Variants in PLXNA4 observed in about 807,000 individuals in gnomAD.
The protein encoded by PLXNA4 is plexin-A4.
Under a neutral mutation model 191.8 loss-of-function variants are expected in PLXNA4, and 44 were observed. The observed-to-expected ratio is 0.23, with a 90% CI of 0.18 to 0.29. The LOEUF is 0.29. Among genes scored for constraint, PLXNA4 ranks in the 10% least tolerant of loss-of-function variants. The pLI, the probability that PLXNA4 is intolerant of heterozygous loss-of-function variation, is 1.00. For synonymous variants in PLXNA4, 1,082 were observed against 1,009.5 expected (o/e 1.07, Z -1.36); for missense variants, 1,800 against 2,488.8 (o/e 0.72, Z 5.89).
At chr7:132,351,760 C>G (rs751019186) in intron 3 of PLXNA4, among the ~76,000 whole-genome samples, 2 of 152,150 alleles carry the variant, frequency 1.3e-5, no homozygotes. Flanking sequence ...GTAGCAGGTA[C>G]CAGGCCTCTG....
At chr7:132,311,813 C>G (rs1335716506) in intron 3 of PLXNA4, among the ~76,000 whole-genome samples, 1 of 152,160 alleles carries the variant, frequency 6.6e-6, no homozygotes, top group Non-Finnish European at 1.5e-5. Context: ...GAATAGTTTA[C>G]AGTCAGAAAA....
chr7:132,218,068 A>G (rs1215762511), intron 9 of PLXNA4, among the ~76,000 whole-genome samples: 5 of 152,212 alleles, frequency 3.3e-5, no homozygotes, highest in African/African-American at 9.6e-5. Flanking sequence ...CGGTGGGTCA[A>G]TGCCCTTGGT....
intron 14 of PLXNA4, among the ~76,000 whole-genome samples, chr7:132,191,517 GC>G (rs1797086079): frequency 6.6e-6 from 1 of 152,160 alleles, no homozygotes; most frequent in Non-Finnish European, 1.5e-5. Flanking sequence ...GGCAGAGGCA[GC>G]TAAGGTTCAA....
intron 9 of PLXNA4, among the ~76,000 whole-genome samples, chr7:132,217,330 C>T (rs1374920227): frequency 6.6e-6 from 1 of 152,172 alleles, no homozygotes; most frequent in Non-Finnish European, 1.5e-5. Flanking sequence ...AAGAATGCAG[C>T]CTAGCTGGGA....
chr7:132,385,090 G>A (rs962323074), intron 3 of PLXNA4: 1 of 1,550,350 alleles, frequency 6.5e-7, no homozygotes, highest in Non-Finnish European at 8.7e-7. Context: ...ATGTATGGCT[G>A]GGGTCACAGG....
chr7:132,311,193 T>TGTGTGTGC lies in PLXNA4; in HGVS notation c.1372-12972_1372-12971insGCACACAC, dbSNP rs71178034. Among the ~76,000 whole-genome samples, 364 of 89,894 alleles carry TGTGTGTGC rather than the reference T, an allele frequency of 4.0e-3. 1 individual carries two copies. Among genetic ancestry groups the TGTGTGTGC allele is most frequent in the East Asian group, 0.012 (43 of 3,628 alleles). 59.0% of individuals were successfully genotyped at this position (89,894 alleles called of 152,430 possible). On this transcript the variant is annotated intron_variant, in intron 3 of 31. Coordinates refer to ENST00000321063, the MANE Select transcript of PLXNA4 (RefSeq NM_020911.2). ...GTGTGTGTGTGTGTGTGTGTGTGTG[T>TGTGTGTGC]GCGCGTGTGGCCTAAAGGAGGGTCA...
chr7:132,634,617 G>C (rs1020445174), intron 2 of PLXNA4, among the ~76,000 whole-genome samples: 2 of 152,178 alleles, frequency 1.3e-5, no homozygotes, highest in Non-Finnish European at 2.9e-5. Context: ...TGCACATGCT[G>C]TTCTCTCTGA....
chr7:132,198,558 C>T lies in PLXNA4; in HGVS notation c.2665G>A (p.Asp889Asn), dbSNP rs1003358330. Residue 889 changes from aspartate (D) to asparagine (N), a missense_variant, in exon 13 of 32, where the codon GAC becomes AAC. By Grantham distance (23) the Asp-to-Asn change is conservative. Coordinates refer to ENST00000321063, the MANE Select transcript of PLXNA4 (RefSeq NM_020911.2). ...RGENLGLEFRDIASHVKVAGV... is the reference protein window; with the variant it reads ...RGENLGLEFRNIASHVKVAGV... The stretch of plus-strand genomic sequence containing the variant: ...GCAACCTTGACATGGGAGGCGATGT[C>T]GCGAAATTCCAGGCCCAGGTTCTCC... The T allele has an allele frequency of 8.7e-6, 14 of 1,614,104 alleles. No homozygotes were observed. The highest frequency in any genetic ancestry group is 5.3e-5 in the African/African-American group (4 of 74,938).
At chr7:132,634,679 C>A (rs1408586950) in intron 2 of PLXNA4, among the ~76,000 whole-genome samples, 1 of 152,206 alleles carries the variant, frequency 6.6e-6, no homozygotes, top group Non-Finnish European at 1.5e-5. Context: ...GCAGGCCTCA[C>A]TCAGGTCTCA....
chr7:132,482,842 A>C (rs1399086133), intron 3 of PLXNA4, among the ~76,000 whole-genome samples: 1 of 151,840 alleles, frequency 6.6e-6, no homozygotes, highest in Non-Finnish European at 1.5e-5. Flanking sequence ...ACAGGTGTGC[A>C]CCATCATGCC....
At chr7:132,154,099 G>A (rs1216140842) in intron 25 of PLXNA4, among the ~76,000 whole-genome samples, 23 of 152,110 alleles carry the variant, frequency 1.5e-4, no homozygotes, top group Admixed American at 1.5e-3. Flanking sequence ...CTTACCTTGG[G>A]GGCACTGTGA....
intron 2 of PLXNA4, among the ~76,000 whole-genome samples, chr7:132,613,563 G>T (rs1803093998): frequency 6.6e-6 from 1 of 152,184 alleles, no homozygotes. Flanking sequence ...AGTGGATATG[G>T]CAATGGGGGT....
At chr7:132,548,222 A>C (rs1800393334) in intron 1 of PLXNA4, among the ~76,000 whole-genome samples, 1 of 152,192 alleles carries the variant, frequency 6.6e-6, no homozygotes, top group South Asian at 2.1e-4. Context: ...TAGTTGTCAT[A>C]GTAGAAAGTG....
intron 1 of PLXNA4, among the ~76,000 whole-genome samples, chr7:132,528,396 G>A (rs913157176): frequency 2.0e-5 from 3 of 152,180 alleles, no homozygotes; most frequent in Non-Finnish European, 4.4e-5. Flanking sequence ...ACTGTATTCA[G>A]GAGTTCACCC....
intron 29 of PLXNA4, 111 bp from the exon 30 acceptor site, chr7:132,140,922 A>G (rs1795249643): frequency 2.0e-6 from 3 of 1,509,428 alleles, no homozygotes; most frequent in African/African-American, 1.4e-5. Flanking sequence ...AATAGAACTT[A>G]AGAGCCTTCT....
chr7:132,491,250 G>T (rs1009868903), intron 2 of PLXNA4, among the ~76,000 whole-genome samples: 1 of 152,222 alleles, frequency 6.6e-6, no homozygotes, highest in Admixed American at 6.5e-5. Context: ...AATACAAGGT[G>T]TCACTTTTTT....
intron 1 of PLXNA4, among the ~76,000 whole-genome samples, chr7:132,548,441 T>TG (rs1174439063): frequency 6.6e-6 from 1 of 151,936 alleles, no homozygotes; most frequent in African/African-American, 2.4e-5. Context: ...AGCCCAGGAG[T>TG]GGGACATGGA....
At chr7:132,518,692 TGAG>T (rs915140287) in intron 1 of PLXNA4, among the ~76,000 whole-genome samples, 7 of 152,098 alleles carry the variant, frequency 4.6e-5, no homozygotes, top group African/African-American at 1.7e-4. Context: ...TAAAAGGGGA[TGAG>T]GAGAAGTGAT....
At chr7:132,383,002 C>A (rs1395937555) in intron 3 of PLXNA4, among the ~76,000 whole-genome samples, 1 of 152,178 alleles carries the variant, frequency 6.6e-6, no homozygotes, top group East Asian at 1.9e-4. Context: ...CAACGATTTT[C>A]CTTTGTACTT....
Sources: gnomAD v4.1 joint callset for allele counts (sites outside exome capture counted in the v4.1 genomes callset) on GRCh38, gnomAD v4.1.1 for gene constraint, MANE v1.5 for transcripts, NCBI Gene and HGNC (gene_info 2026-07-23, HGNC 2026-07-21) for gene names.